The following CCDC7 variants were observed in gnomAD, a reference collection of about 807,000 sequenced individuals.
CCDC7 encodes the protein coiled-coil domain containing 7.
In CCDC7, 183 loss-of-function variants were observed where a neutral mutation model predicts 196.9. The ratio of observed to expected loss-of-function variants is 0.93; its 90% confidence interval spans 0.82 to 1.05. The LOEUF (loss-of-function observed/expected upper bound fraction) is 1.05. Among genes scored for constraint, CCDC7 ranks in the 50% least tolerant of loss-of-function variants. CCDC7 has a pLI of 0.00. For missense variants in CCDC7, 1,540 were observed against 1,482.2 expected, an observed-to-expected ratio of 1.04 and a Z score of -0.64; for synonymous variants, 525 against 484.6, an observed-to-expected ratio of 1.08 and a Z score of -1.10.
At chr10:32,805,938 A>T (rs2085737979) in intron 30 of CCDC7, among the ~76,000 whole-genome samples, 2 of 152,216 alleles carry the variant, frequency 1.3e-5, no homozygotes, top group African/African-American at 4.8e-5. Context: ...CTCACGGCAG[A>T]AAGTAAAGCA....
chr10:32,725,478 C>T (rs564087891), intron 25 of CCDC7: 1 of 445,570 alleles, frequency 2.2e-6, no homozygotes, highest in East Asian at 7.1e-5. Flanking sequence ...TTAGTTCCCA[C>T]TTCTTATCCT....
chr10:32,523,300 C>G (rs1377608858), intron 11 of CCDC7, among the ~76,000 whole-genome samples: 2 of 152,136 alleles, frequency 1.3e-5, no homozygotes, highest in Admixed American at 6.5e-5. Context: ...AATCCTAGCA[C>G]TTTGGGAGGT....
chr10:32,741,603 G>T (rs10827118), intron 28 of CCDC7, among the ~76,000 whole-genome samples: 4 of 151,786 alleles, frequency 2.6e-5, no homozygotes, highest in South Asian at 2.1e-4. Flanking sequence ...AAAAAGCCAC[G>T]TATGAGTGGA....
intron 29 of CCDC7, among the ~76,000 whole-genome samples, chr10:32,802,956 T>C (rs2085100420): frequency 6.6e-6 from 1 of 152,240 alleles, no homozygotes; most frequent in Non-Finnish European, 1.5e-5. Context: ...CCTAGTCCAC[T>C]GACTCAAATG....
At chr10:32,444,906 C>T (rs1335690850), upstream of CCDC7, among the ~76,000 whole-genome samples, 9 of 149,406 alleles carry the variant, frequency 6.0e-5, no homozygotes, top group East Asian at 2.0e-4. Context: ...CAGGCTGGAG[C>T]GCAATGGCAC....
chr10:32,731,041 T>G lies in CCDC7; in HGVS notation c.2905+1584T>G, dbSNP rs576506916. Among the ~76,000 whole-genome samples the G allele has an allele frequency of 1.7e-4, 26 of 152,250 alleles. 1 individual carries two copies. In the South Asian group the frequency reaches 5.0e-3, roughly 29 times the overall value. ...GATTATTCTATCAATTATTGAGATG[T>G]ATATTAAATTATCCCACTATGTGGA... is the stretch of plus-strand genomic sequence containing the variant. On this transcript the variant is annotated intron_variant, in intron 28 of 41. Coordinates refer to ENST00000639629, the Ensembl canonical transcript of CCDC7.
chr10:32,822,002 A>G (rs1007257339), intron 31 of CCDC7, among the ~76,000 whole-genome samples: 2 of 51,854 alleles, frequency 3.9e-5, no homozygotes, highest in Non-Finnish European at 1.8e-4. Context: ...AAAGTGCTGA[A>G]AAAAAAAAAT....
At position 32,517,976 on chromosome 10, in the gene CCDC7, G is replaced by GT. The variant is rs1365647240; in HGVS notation, c.903+2dup. 6.3e-7 allele frequency: 1 copy of GT among 1,581,148 alleles called. No individual in the cohort carries two copies. On this transcript the variant is annotated splice_donor_variant, in intron 10 of 41. Transcript: ENST00000639629. LOFTEE classifies it high-confidence loss of function. Reference sequence around the variant, plus strand: ...AAATGATCAAGTTTTGTTAGATGCTGTAAGTATAGTACTCTCAATTTGAAA... The same window carrying GT: ...AAATGATCAAGTTTTGTTAGATGCTGTTAAGTATAGTACTCTCAATTTGAAA...
At chr10:32,792,025 C>T (rs1047662896) in intron 29 of CCDC7, among the ~76,000 whole-genome samples, 1 of 151,774 alleles carries the variant, frequency 6.6e-6, no homozygotes, top group Non-Finnish European at 1.5e-5. Flanking sequence ...AGAAATCTTG[C>T]GGGCCAGCAG....
chr10:32,580,702 C>T (rs1458280958), intron 16 of CCDC7, among the ~76,000 whole-genome samples: 2 of 151,682 alleles, frequency 1.3e-5, no homozygotes, highest in Non-Finnish European at 2.9e-5. Flanking sequence ...TAATTTGTCT[C>T]GTATTTGCAT....
intron 13 of CCDC7, among the ~76,000 whole-genome samples, chr10:32,553,846 A>C (rs902815912): frequency 6.6e-6 from 1 of 152,156 alleles, no homozygotes; most frequent in African/African-American, 2.4e-5. Flanking sequence ...CTGTGGTAGT[A>C]TGGAGAGGAA....
At chr10:32,482,967 A>C (rs1264287770) in intron 8 of CCDC7, among the ~76,000 whole-genome samples, 1 of 152,146 alleles carries the variant, frequency 6.6e-6, no homozygotes. Context: ...ATACGTGTGC[A>C]TGTGTCTTTA....
chr10:32,592,961 T>G (rs2059927876), intron 18 of CCDC7, among the ~76,000 whole-genome samples: 2 of 152,130 alleles, frequency 1.3e-5, no homozygotes, highest in Admixed American at 6.5e-5. Flanking sequence ...GATGGACATT[T>G]GGTTGGTTCC....
At chr10:32,676,146 G>T (rs911864787) in intron 21 of CCDC7, among the ~76,000 whole-genome samples, 1 of 126,414 alleles carries the variant, frequency 7.9e-6, no homozygotes, top group Non-Finnish European at 1.7e-5. Context: ...AGGATTCCCT[G>T]TTTAATAAAT....
At chr10:32,819,014 A>G (rs1045872630) in intron 31 of CCDC7, among the ~76,000 whole-genome samples, 12 of 152,322 alleles carry the variant, frequency 7.9e-5, no homozygotes, top group African/African-American at 2.4e-4. Context: ...AAAAAAATCA[A>G]TGAATCCAGG....
intron 8 of CCDC7, among the ~76,000 whole-genome samples, chr10:32,489,862 C>T (rs1017771689): frequency 2.0e-5 from 3 of 152,046 alleles, no homozygotes; most frequent in Admixed American, 2.0e-4. Flanking sequence ...AAGATTGTGA[C>T]TCTGTGGTCT....
intron 18 of CCDC7, among the ~76,000 whole-genome samples, chr10:32,625,630 A>G (rs2063936888): frequency 6.6e-6 from 1 of 152,060 alleles, no homozygotes; most frequent in African/African-American, 2.4e-5. Flanking sequence ...GAAATGTACA[A>G]TATGCTATTA....
At chr10:32,845,358 T>G (rs1380624273) in intron 34 of CCDC7, 32 bp downstream of exon 35, 1 of 1,442,670 alleles carries the variant, frequency 6.9e-7, no homozygotes, top group African/African-American at 1.4e-5. Flanking sequence ...ATCTAATATT[T>G]ATGGCTGATT....
At chr10:32,468,335 T>C (rs189839580) in intron 5 of CCDC7, among the ~76,000 whole-genome samples, 2 of 152,328 alleles carry the variant, frequency 1.3e-5, no homozygotes, top group African/African-American at 2.4e-5. Flanking sequence ...GGTATTCTTT[T>C]TGTGGCAATT....
Sources: allele counts gnomAD v4.1 joint callset (sites outside exome capture counted in the v4.1 genomes callset), GRCh38; gene constraint gnomAD v4.1.1; transcripts MANE v1.5; gene names NCBI Gene and HGNC (gene_info 2026-07-23, HGNC 2026-07-21).